PDE10A: variants seen among roughly 807,000 people sequenced by gnomAD.
The protein encoded by PDE10A is cAMP and cAMP-inhibited cGMP 3',5'-cyclic phosphodiesterase 10A.
Under a neutral mutation model 97.7 loss-of-function variants are expected in PDE10A, and 39 were observed. The observed-to-expected ratio is 0.40, with a 90% CI of 0.31 to 0.52. The LOEUF (loss-of-function observed/expected upper bound fraction) is 0.52, where lower values mean the gene tolerates loss of function less well. PDE10A is among the 20% of genes least tolerant of loss of function. The pLI is 0.56. For missense variants in PDE10A, 731 were observed against 1,047.8 expected (o/e 0.70, Z 4.17); for synonymous variants, 371 against 376.8 (o/e 0.98, Z 0.18).
chr6:165,736,020 C>CT (rs984927215), intron 1 of PDE10A, among the ~76,000 whole-genome samples: 1 of 152,092 alleles, frequency 6.6e-6, no homozygotes, highest in Non-Finnish European at 1.5e-5. Flanking sequence ...TTAACATAGA[C>CT]TTTTTTACGC....
chr6:165,634,087 G>A (rs917620859), intron 1 of PDE10A, among the ~76,000 whole-genome samples: 3 of 152,062 alleles, frequency 2.0e-5, no homozygotes, highest in East Asian at 1.9e-4. Context: ...GACAAGCTGC[G>A]GGCCCCTCCC....
intron 18 of PDE10A, among the ~76,000 whole-genome samples, chr6:165,346,621 T>TTA (rs1293279527): frequency 6.6e-6 from 1 of 152,028 alleles, no homozygotes; most frequent in East Asian, 1.9e-4. Flanking sequence ...TCACAGAACT[T>TTA]TACCAAAGGA....
intron 1 of PDE10A, among the ~76,000 whole-genome samples, chr6:165,810,419 C>T (rs1174916478): frequency 2.0e-5 from 3 of 152,174 alleles, no homozygotes; most frequent in Non-Finnish European, 2.9e-5. Context: ...TCCTGGGTTA[C>T]CCATGCTCTG....
In PDE10A at chr6:165,717,747, C is replaced by A. The variant is rs188504838; in HGVS notation, c.-614-174179G>T. ...TGGTTGCACTGTTTTACATTCCCAC[C>A]AGCAATGCACAAGGGTTCCAGTTTG... On this transcript the variant is annotated intron_variant, in intron 1 of 19. Coordinates refer to the PDE10A transcript ENST00000366882. Among the ~76,000 whole-genome samples the A allele has an allele frequency of 2.6e-5, 4 of 152,314 alleles. No individual in the cohort carries two copies. In the East Asian group the frequency reaches 7.7e-4, roughly 29 times the overall value.
chr6:165,400,466 C>T (rs1786561991), intron 13 of PDE10A, among the ~76,000 whole-genome samples: 1 of 152,022 alleles, frequency 6.6e-6, no homozygotes, highest in Admixed American at 6.6e-5. Context: ...GACCTGTATC[C>T]AGAATATATA....
intron 11 of PDE10A, among the ~76,000 whole-genome samples, chr6:165,417,153 G>C (rs1298573486): frequency 6.6e-6 from 1 of 152,140 alleles, no homozygotes; most frequent in African/African-American, 2.4e-5. Context: ...AAACTCAAAA[G>C]ATAGTTCACA....
intron 10 of PDE10A, among the ~76,000 whole-genome samples, chr6:165,425,870 T>C (rs898130610): frequency 1.3e-5 from 2 of 151,574 alleles, no homozygotes; most frequent in African/African-American, 4.9e-5. Context: ...GCTTGCAGGA[T>C]ACATAATCAA....
At chr6:165,933,309 C>T (rs1337395569) in intron 1 of PDE10A, among the ~76,000 whole-genome samples, 2 of 152,106 alleles carry the variant, frequency 1.3e-5, no homozygotes, top group African/African-American at 2.4e-5. Flanking sequence ...GCTTGATGGA[C>T]CCACAGGAGA....
chr6:165,987,851 G>A lies in PDE10A; in HGVS notation c.-937C>T, dbSNP rs771274427. On this transcript the variant is annotated 5_prime_UTR_variant, in exon 1 of 20. Transcript: ENST00000366882. ...TCCCTCCTTTCCATCTGGGGGTCTC[G>A]GGGAAAGCTGCACCCAGCGCCTTGG... is the stretch of plus-strand genomic sequence containing the variant. 19 of 396,716 alleles carry A rather than the reference G, an allele frequency of 4.8e-5. 2 individuals carry two copies. The highest frequency in any genetic ancestry group is 3.1e-4 in the South Asian group (17 of 54,230). 24.6% of individuals were successfully genotyped at this position (396,716 alleles called of 1,614,324 possible). A position where few individuals can be genotyped will look rare whatever the true frequency, so the allele number is the denominator to read the frequency against.
chr6:165,793,378 T>C lies in PDE10A; in HGVS notation c.-615+194151A>G, dbSNP rs543498337. Among the ~76,000 whole-genome samples, 7 of 151,840 alleles carry C rather than the reference T, an allele frequency of 4.6e-5. No individual in the cohort carries two copies. The East Asian group carries it at 9.7e-4, about 21-fold the overall frequency. On this transcript the variant is annotated intron_variant, in intron 1 of 19. Coordinates refer to the PDE10A transcript ENST00000366882. ...AAAATCCTGTCATCAGAAAAAAAAA[T>C]ACATAATGCAAGCTCTTATTAGCAG...
intron 1 of PDE10A, among the ~76,000 whole-genome samples, chr6:165,707,741 G>A (rs1248187043): frequency 6.6e-6 from 1 of 152,046 alleles, no homozygotes; most frequent in African/African-American, 2.4e-5. Context: ...GTGTGAGTGT[G>A]TGTGGGAGAC....
intron 18 of PDE10A, among the ~76,000 whole-genome samples, chr6:165,359,661 T>C (rs1387497168): frequency 6.6e-6 from 1 of 152,158 alleles, no homozygotes; most frequent in Non-Finnish European, 1.5e-5. Flanking sequence ...ATCTAAGTCA[T>C]CTTGGGCTCT....
chr6:165,635,174 G>A (rs1046293086), intron 1 of PDE10A, among the ~76,000 whole-genome samples: 9 of 152,156 alleles, frequency 5.9e-5, no homozygotes, highest in African/African-American at 1.2e-4. Flanking sequence ...TTAGGTAGGC[G>A]CAGTATTCTC....
chr6:165,395,817 G>A (rs1583190241), intron 14 of PDE10A, among the ~76,000 whole-genome samples: 1 of 152,262 alleles, frequency 6.6e-6, no homozygotes, highest in East Asian at 1.9e-4. Flanking sequence ...GGTTTCCTAT[G>A]TAGATAGTGT....
chr6:165,975,528 T>A (rs1252629592), intron 1 of PDE10A, among the ~76,000 whole-genome samples: 1 of 152,224 alleles, frequency 6.6e-6, no homozygotes, highest in Non-Finnish European at 1.5e-5. Flanking sequence ...TTTGCCAGGC[T>A]TTAGTCCAAC....
chr6:165,634,296 G>A (rs1386058722), intron 1 of PDE10A, among the ~76,000 whole-genome samples: 9 of 152,088 alleles, frequency 5.9e-5, no homozygotes, highest in Non-Finnish European at 7.3e-5. Flanking sequence ...AGGAGTGTGC[G>A]GAGTGTATCT....
intron 1 of PDE10A, among the ~76,000 whole-genome samples, chr6:165,884,134 G>A (rs1423167583): frequency 1.3e-5 from 2 of 152,106 alleles, no homozygotes; most frequent in African/African-American, 2.4e-5. Context: ...CAGTCCCAAC[G>A]GCACAGGAAT....
rs2128433433 is a variant in PDE10A at position 165,663,237 on chromosome 6, C to G, written c.-426G>C. Reference sequence around the variant, plus strand: ...TGGTGGCGGCGGCGGCAGAAGACGCCCACTGGCGGAGCAGGCGCTCCCCAC... The same window carrying G: ...TGGTGGCGGCGGCGGCAGAAGACGCGCACTGGCGGAGCAGGCGCTCCCCAC... On this transcript the variant is annotated 5_prime_UTR_variant, in exon 1 of 22. Transcript: ENST00000539869. Among the ~76,000 whole-genome samples the G allele has an allele frequency of 6.6e-6, 1 of 151,462 alleles. No individual in the cohort carries two copies. The highest frequency in any genetic ancestry group is 6.6e-5 in the Admixed American group (1 of 15,256).
intron 10 of PDE10A, among the ~76,000 whole-genome samples, chr6:165,426,103 T>C (rs1263583190): frequency 6.6e-6 from 1 of 152,136 alleles, no homozygotes; most frequent in Non-Finnish European, 1.5e-5. Context: ...TGTGTTACAG[T>C]TGTTAAGATG....
Sources: gnomAD v4.1 joint callset for allele counts (sites outside exome capture counted in the v4.1 genomes callset) on GRCh38, gnomAD v4.1.1 for gene constraint, MANE v1.5 for transcripts, NCBI Gene and HGNC (gene_info 2026-07-23, HGNC 2026-07-21) for gene names.